The following CNTN5 variants were observed in gnomAD, a reference collection of about 807,000 sequenced individuals.
CNTN5 encodes the protein contactin 5.
A neutral mutation model predicts 129.1 loss-of-function variants in CNTN5; 77 were observed. That is an observed-to-expected ratio of 0.60 (90% CI 0.50 to 0.72). CNTN5 has a LOEUF of 0.72. Ranked by LOEUF, CNTN5 falls within the 30% of genes least tolerant of loss-of-function variation. CNTN5 has a pLI of 0.00. For synonymous variants in CNTN5, 509 were observed against 465.6 expected (o/e 1.09, Z -1.20); for missense variants, 1,478 against 1,328.8 (o/e 1.11, Z -1.75).
chr11:99,230,574 T>G (rs559125098), intron 1 of CNTN5, among the ~76,000 whole-genome samples: 5 of 152,170 alleles, frequency 3.3e-5, no homozygotes, highest in South Asian at 2.1e-4. Flanking sequence ...TCATATCAAT[T>G]TAAAGCAGAT....
intron 3 of CNTN5, among the ~76,000 whole-genome samples, chr11:99,746,083 C>T (rs1944047170): frequency 6.6e-6 from 1 of 152,148 alleles, no homozygotes; most frequent in African/African-American, 2.4e-5. Flanking sequence ...AGGTTGCCTG[C>T]AAGTATTTTA....
chr11:99,634,593 T>A (rs1951482240), intron 3 of CNTN5, among the ~76,000 whole-genome samples: 1 of 152,200 alleles, frequency 6.6e-6, no homozygotes, highest in African/African-American at 2.4e-5. Context: ...TATGGTTGAA[T>A]TAGACTATGC....
At chr11:100,248,682 T>G (rs1364240624) in intron 16 of CNTN5, among the ~76,000 whole-genome samples, 1 of 152,158 alleles carries the variant, frequency 6.6e-6, no homozygotes, top group African/African-American at 2.4e-5. Flanking sequence ...GTCTCAGAAT[T>G]TCACAGAAAA....
chr11:99,562,167 G>T (rs1948863845), intron 3 of CNTN5, among the ~76,000 whole-genome samples: 1 of 152,136 alleles, frequency 6.6e-6, no homozygotes, highest in South Asian at 2.1e-4. Flanking sequence ...AGCAGGCATT[G>T]ACTAAAATCT....
chr11:99,508,750 C>T (rs1484513260), intron 2 of CNTN5, among the ~76,000 whole-genome samples: 6 of 151,222 alleles, frequency 4.0e-5, no homozygotes, highest in Non-Finnish European at 8.8e-5. Context: ...GGCGCGATCT[C>T]GGCTCACTGT....
At chr11:99,707,839 AAAT>A (rs1384446948) in intron 3 of CNTN5, among the ~76,000 whole-genome samples, 5 of 151,728 alleles carry the variant, frequency 3.3e-5, no homozygotes, top group East Asian at 1.9e-4. Context: ...ATCTAATATA[AAAT>A]AATATTTTTA....
intron 2 of CNTN5, among the ~76,000 whole-genome samples, chr11:99,485,907 T>C (rs898314658): frequency 1.3e-5 from 2 of 152,020 alleles, no homozygotes; most frequent in Non-Finnish European, 2.9e-5. Context: ...GGAAAAGCTA[T>C]AAAAACCTTT....
intron 2 of CNTN5, among the ~76,000 whole-genome samples, chr11:99,376,967 C>T (rs906635975): frequency 6.6e-5 from 10 of 152,124 alleles, no homozygotes; most frequent in Non-Finnish European, 1.5e-4. Context: ...GATCTGTGCG[C>T]TGTCTTACTA....
intron 3 of CNTN5, among the ~76,000 whole-genome samples, chr11:99,798,550 GAC>G (rs1946019099): frequency 6.6e-6 from 1 of 151,934 alleles, no homozygotes; most frequent in South Asian, 2.1e-4. Flanking sequence ...TGTTTTTGTT[GAC>G]TTTGTTGAAG....
intron 1 of CNTN5, among the ~76,000 whole-genome samples, chr11:99,059,911 C>T (rs1864804672): frequency 6.6e-6 from 1 of 151,986 alleles, no homozygotes; most frequent in African/African-American, 2.4e-5. Flanking sequence ...ATAAAGTCAT[C>T]TAACTGTAGA....
intron 2 of CNTN5, among the ~76,000 whole-genome samples, chr11:99,368,820 AG>A (rs1939629525): frequency 6.6e-6 from 1 of 152,158 alleles, no homozygotes; most frequent in Non-Finnish European, 1.5e-5. Context: ...GAATTATTCA[AG>A]GCTATTGCAA....
At chr11:100,336,983 AC>A (rs1952050477) in intron 21 of CNTN5, 6 of 762,016 alleles carry the variant, frequency 7.9e-6, no homozygotes, top group South Asian at 7.1e-5. Flanking sequence ...GAGCCAGAGC[AC>A]AGCACATTGA....
At chr11:99,190,125 G>C (rs1858561762) in intron 1 of CNTN5, among the ~76,000 whole-genome samples, 2 of 151,506 alleles carry the variant, frequency 1.3e-5, no homozygotes, top group Non-Finnish European at 3.0e-5. Context: ...ATATCCAGCT[G>C]TCCCAACATC....
intron 3 of CNTN5, among the ~76,000 whole-genome samples, chr11:99,654,492 G>C (rs1952276116): frequency 6.6e-6 from 1 of 151,994 alleles, no homozygotes; most frequent in South Asian, 2.1e-4. Flanking sequence ...GGTAGTATGG[G>C]ACCAATGGAT....
chr11:99,510,081 T>A (rs1326883807), intron 2 of CNTN5, among the ~76,000 whole-genome samples: 2 of 151,876 alleles, frequency 1.3e-5, no homozygotes, highest in Non-Finnish European at 2.9e-5. Flanking sequence ...GCAGATTACT[T>A]AAAACAGTGC....
At chr11:99,921,071 A>T (rs1949927241) in intron 7 of CNTN5, among the ~76,000 whole-genome samples, 1 of 152,172 alleles carries the variant, frequency 6.6e-6, no homozygotes. Context: ...TCAGAAACCA[A>T]CCATGCTGTC....
intron 4 of CNTN5, among the ~76,000 whole-genome samples, chr11:99,841,892 ATATAT>A (rs1170186320): frequency 6.9e-5 from 4 of 57,966 alleles, no homozygotes; most frequent in African/African-American, 1.5e-4. Flanking sequence ...ATACATATAT[ATATAT>A]TTTTTTTTTA....
intron 3 of CNTN5, among the ~76,000 whole-genome samples, chr11:99,622,914 A>G (rs1187177345): frequency 6.6e-6 from 1 of 151,926 alleles, no homozygotes; most frequent in African/African-American, 2.4e-5. Flanking sequence ...ACCCTCCAAC[A>G]TTACTGGGAC....
intron 1 of CNTN5, among the ~76,000 whole-genome samples, chr11:99,170,256 C>T (rs1213677163): frequency 1.3e-5 from 2 of 152,002 alleles, no homozygotes; most frequent in African/African-American, 4.8e-5. Context: ...GAGGTAGATT[C>T]AGATCAAGAA....
Sources: gnomAD v4.1 joint callset for allele counts (sites outside exome capture counted in the v4.1 genomes callset) on GRCh38, gnomAD v4.1.1 for gene constraint, MANE v1.5 for transcripts, NCBI Gene and HGNC (gene_info 2026-07-23, HGNC 2026-07-21) for gene names.